The following NLGN1 variants were observed in gnomAD, a reference collection of about 807,000 sequenced individuals.
NLGN1 encodes neuroligin 1, also known as neuroligin-1.
Under a neutral mutation model 65.5 loss-of-function variants are expected in NLGN1, and 12 were observed. That is an observed-to-expected ratio of 0.18 (90% confidence interval 0.12 to 0.30). The LOEUF (loss-of-function observed/expected upper bound fraction) is 0.30, where lower values mean the gene tolerates loss of function less well. NLGN1 is among the 10% of genes least tolerant of loss of function. NLGN1 has a pLI of 1.00. For missense variants in NLGN1, 750 were observed against 1,007.1 expected, an observed-to-expected ratio of 0.74 and a Z score of 3.46; for synonymous variants, 350 against 359.5, an observed-to-expected ratio of 0.97 and a Z score of 0.30.
At chr3:173,661,037 G>C (rs1242719826) in intron 3 of NLGN1, among the ~76,000 whole-genome samples, 2 of 151,980 alleles carry the variant, frequency 1.3e-5, no homozygotes, top group African/African-American at 2.4e-5. Context: ...ACGTGAATGA[G>C]TAGTGTCCAG....
At chr3:173,875,380 T>C (rs1283878958) in intron 4 of NLGN1, among the ~76,000 whole-genome samples, 1 of 152,194 alleles carries the variant, frequency 6.6e-6, no homozygotes, top group Non-Finnish European at 1.5e-5. Flanking sequence ...ATCTTTCACT[T>C]TTAGTCTATT....
chr3:173,999,029 G>T (rs1251559464), intron 4 of NLGN1, among the ~76,000 whole-genome samples: 1 of 152,130 alleles, frequency 6.6e-6, no homozygotes, highest in South Asian at 2.1e-4. Context: ...CTTCTATAAG[G>T]ATCAGCAATA....
At chr3:173,434,577 T>C (rs940717229) in intron 1 of NLGN1, among the ~76,000 whole-genome samples, 1 of 152,188 alleles carries the variant, frequency 6.6e-6, no homozygotes, top group African/African-American at 2.4e-5. Flanking sequence ...TTGGAGACAA[T>C]TGCACTCTCT....
chr3:173,751,605 A>G lies in NLGN1; in HGVS notation c.494-56075A>G, dbSNP rs979187410. Among the ~76,000 whole-genome samples the G allele has an allele frequency of 3.2e-4, 48 of 152,054 alleles. 1 individual carries two copies. The highest frequency in any genetic ancestry group is 2.8e-3 in the Admixed American group (43 of 15,210). On this transcript the variant is annotated intron_variant, in intron 3 of 6. Coordinates refer to ENST00000457714, the Ensembl canonical transcript of NLGN1. ...CTAATAATCAGACAGACAGAGTAAG[A>G]CAGAGATTTCCAAGCAAGGATGAAC...
intron 4 of NLGN1, among the ~76,000 whole-genome samples, chr3:173,890,791 G>T (rs1735185832): frequency 6.6e-6 from 1 of 152,160 alleles, no homozygotes; most frequent in Non-Finnish European, 1.5e-5. Context: ...CATGGCAATA[G>T]GAGCCAGTGC....
In NLGN1 at chr3:173,738,538, A is replaced by T. The variant is rs568989574; in HGVS notation, c.494-69142A>T. 7.9e-5 allele frequency among the ~76,000 whole-genome samples: 12 copies of T among 152,198 alleles called. No individual in the cohort carries two copies. In the East Asian group the frequency reaches 2.3e-3, roughly 29 times the overall value. ...TGCATTTTCTTGGAACCCTTGACAA[A>T]AATCATTTACTATAAATGTGAAAAG... On this transcript the variant is annotated intron_variant, in intron 3 of 6. Coordinates refer to ENST00000457714, the Ensembl canonical transcript of NLGN1.
chr3:174,077,569 A>ATT (rs140048959), intron 4 of NLGN1, among the ~76,000 whole-genome samples: 5 of 151,158 alleles, frequency 3.3e-5, no homozygotes, highest in East Asian at 1.9e-4. Context: ...TTATTTATTT[A>ATT]TTTTTTTTGA....
chr3:173,795,159 C>A (rs1246730014), intron 3 of NLGN1, among the ~76,000 whole-genome samples: 1 of 152,042 alleles, frequency 6.6e-6, no homozygotes, highest in Non-Finnish European at 1.5e-5. Context: ...ACAGGCAGCT[C>A]ACCTAAATGA....
intron 4 of NLGN1, among the ~76,000 whole-genome samples, chr3:174,012,684 C>T (rs138251736): frequency 6.6e-6 from 1 of 152,250 alleles, no homozygotes; most frequent in East Asian, 1.9e-4. Flanking sequence ...GTTTCAAAGA[C>T]ATTGGGGTCA....
chr3:174,275,636 A>AACTC (rs1239414793), intron 5 of NLGN1, 109 bp downstream of exon 5: 6 of 675,880 alleles, frequency 8.9e-6, no homozygotes, highest in African/African-American at 1.8e-5. Flanking sequence ...TGTTAGGTTG[A>AACTC]ACTCAATAGT....
At chr3:173,931,263 G>A (rs1284211177) in intron 4 of NLGN1, among the ~76,000 whole-genome samples, 1 of 152,144 alleles carries the variant, frequency 6.6e-6, no homozygotes, top group African/African-American at 2.4e-5. Flanking sequence ...CTATTCAGGG[G>A]AAGTCAATAA....
chr3:173,800,417 A>AT (rs555200166), intron 3 of NLGN1: 15 of 489,456 alleles, frequency 3.1e-5, no homozygotes, highest in Admixed American at 8.1e-5. Context: ...ACCCCTTTCT[A>AT]TTTTTTTACT....
rs148317784 is a variant in NLGN1, at chr3:173,411,343, C to T, written c.-390+12856C>T. ...ATCAGAGAGAACTATGGACCACAGC[C>T]ACAGAAGGAAGTTTTGCCAGCTTCC... is the stretch of plus-strand genomic sequence containing the variant. On this transcript the variant is annotated intron_variant, in intron 1 of 6. Coordinates refer to ENST00000457714, the Ensembl canonical transcript of NLGN1. Among the ~76,000 whole-genome samples, 35 of 152,258 alleles carry T rather than the reference C, an allele frequency of 2.3e-4. No homozygotes were observed. In the East Asian group the frequency reaches 5.2e-3, roughly 23 times the overall value.
At chr3:173,855,616 TAAAC>T (rs1166317361) in intron 4 of NLGN1, among the ~76,000 whole-genome samples, 1 of 152,052 alleles carries the variant, frequency 6.6e-6, no homozygotes, top group African/African-American at 2.4e-5. Flanking sequence ...AGACATATCA[TAAAC>T]AAAATAAAGA....
intron 4 of NLGN1, among the ~76,000 whole-genome samples, chr3:174,248,817 C>G (rs905664843): frequency 6.6e-6 from 1 of 152,098 alleles, no homozygotes; most frequent in Middle Eastern, 3.2e-3. Context: ...ATAAAGAACT[C>G]TAAATAAAGA....
chr3:174,261,622 C>T (rs1388539686), intron 4 of NLGN1, among the ~76,000 whole-genome samples: 1 of 131,744 alleles, frequency 7.6e-6, no homozygotes, highest in Non-Finnish European at 1.6e-5. Context: ...ACAATCATGT[C>T]GTCTGCAAAC....
chr3:173,540,674 G>T (rs754771331), intron 2 of NLGN1, among the ~76,000 whole-genome samples: 11 of 152,108 alleles, frequency 7.2e-5, no homozygotes, highest in Non-Finnish European at 1.5e-4. Context: ...GGGAATGTTT[G>T]GTGAACAGAG....
chr3:174,024,916 A>C (rs565218363), intron 4 of NLGN1, among the ~76,000 whole-genome samples: 2 of 152,324 alleles, frequency 1.3e-5, no homozygotes, highest in Non-Finnish European at 2.9e-5. Context: ...TTTTATCAGC[A>C]TTTAATTGTA....
At chr3:173,960,177 T>C (rs895816234) in intron 4 of NLGN1, among the ~76,000 whole-genome samples, 1 of 152,076 alleles carries the variant, frequency 6.6e-6, no homozygotes, top group Non-Finnish European at 1.5e-5. Flanking sequence ...CTGACTTTTC[T>C]TCTTTACAGT....
Sources: gnomAD v4.1 joint callset for allele counts (sites outside exome capture counted in the v4.1 genomes callset) on GRCh38, gnomAD v4.1.1 for gene constraint, MANE v1.5 for transcripts, NCBI Gene and HGNC (gene_info 2026-07-23, HGNC 2026-07-21) for gene names.